The following TMEM94 variants were observed in gnomAD, a reference collection of about 807,000 sequenced individuals.
TMEM94 encodes the protein transmembrane protein 94.
A neutral mutation model predicts 158.6 loss-of-function variants in TMEM94; 81 were observed. The ratio of observed to expected loss-of-function variants is 0.51; its 90% CI spans 0.43 to 0.61. The LOEUF is 0.61. TMEM94 is among the 20% of genes least tolerant of loss of function. The pLI is 0.00. For missense variants in TMEM94, 1,435 were observed against 1,762.0 expected (o/e 0.81, Z 3.32); for synonymous variants, 751 against 730.7 (o/e 1.03, Z -0.45).
At chr17:75,465,655 T>TATTTATATATATATATA (rs9302993) in intron 1 of TMEM94, among the ~76,000 whole-genome samples, 18 of 98,832 alleles carry the variant, frequency 1.8e-4, no homozygotes, top group African/African-American at 9.0e-4. Context: ...ATAAGAATTT[T>TATTTATATATATATATA]TATATATATA....
chr17:75,477,224 A>C (rs1309160374), intron 2 of TMEM94, among the ~76,000 whole-genome samples: 1 of 152,200 alleles, frequency 6.6e-6, no homozygotes. Context: ...TAAGGTCAGC[A>C]TGAGCCAGGA....
intron 2 of TMEM94, among the ~76,000 whole-genome samples, chr17:75,478,037 A>C (rs2050821485): frequency 1.7e-5 from 1 of 57,898 alleles, no homozygotes; most frequent in African/African-American, 1.1e-4. Context: ...TTTTTTTGAG[A>C]CGGAGTCTCG....
chr17:75,481,926 G>C (rs534183565), intron 2 of TMEM94, among the ~76,000 whole-genome samples: 1 of 152,366 alleles, frequency 6.6e-6, no homozygotes, highest in South Asian at 2.1e-4. Context: ...CAGGGCCTCA[G>C]AGCTGGGGTG....
At chr17:75,467,881 G>A (rs981972145) in intron 1 of TMEM94, among the ~76,000 whole-genome samples, 12 of 152,134 alleles carry the variant, frequency 7.9e-5, no homozygotes, top group African/African-American at 2.7e-4. Flanking sequence ...CTTCACCTAA[G>A]TGGCACTTGG....
chr17:75,488,206 A>G (rs2051793471), intron 6 of TMEM94, 72 bp downstream of exon 6: 2 of 1,462,894 alleles, frequency 1.4e-6, no homozygotes. Flanking sequence ...GAGGGTCCCC[A>G]GACTTCATCC....
At chr17:75,461,258 C>G (rs2050058490) in intron 1 of TMEM94, among the ~76,000 whole-genome samples, 1 of 151,950 alleles carries the variant, frequency 6.6e-6, no homozygotes, top group Non-Finnish European at 1.5e-5. Flanking sequence ...CACTACCGTG[C>G]CCGGCTAATT....
chr17:75,466,417 C>G (rs1479459130), intron 1 of TMEM94, among the ~76,000 whole-genome samples: 14 of 152,146 alleles, frequency 9.2e-5, no homozygotes, highest in Non-Finnish European at 2.1e-4. Flanking sequence ...ATTTGTTTCT[C>G]TTTTCAAAAT....
rs761490641 is a variant in TMEM94 at position 75,496,288 on chromosome 17, C to A, written c.3060C>A (p.Ala1020=). 4 of 1,614,178 alleles carry A rather than the reference C, an allele frequency of 2.5e-6. No individual in the cohort carries two copies. The highest frequency in any genetic ancestry group is 1.1e-5 in the South Asian group (1 of 91,082). Residue 1020 remains alanine (A), a synonymous_variant, in exon 24 of 32, where the codon GCC becomes GCA. Transcript: ENST00000314256. ...TGTCCCCCACCCTGAGCAGCATTGC[C>A]CTGGATCCCCTGTACCCATCCCGTT... The part of the protein sequence containing the change: ...CLFLQSDISI[A]LDPLYPSRCS...
chr17:75,482,851 T>C (rs897958237), intron 2 of TMEM94, among the ~76,000 whole-genome samples: 1 of 152,102 alleles, frequency 6.6e-6, no homozygotes, highest in Admixed American at 6.6e-5. Context: ...AGTTGGATGG[T>C]GAGGGTGTGT....
At chr17:75,482,556 GTAT>G (rs1264318485) in intron 2 of TMEM94, among the ~76,000 whole-genome samples, 1 of 151,644 alleles carries the variant, frequency 6.6e-6, no homozygotes, top group African/African-American at 2.4e-5. Flanking sequence ...ATGTATGTAT[GTAT>G]GTATGTATGT....
intron 1 of TMEM94, among the ~76,000 whole-genome samples, chr17:75,463,178 G>GTGTGTATATATATATATATATA (rs1180723796): frequency 1.3e-4 from 2 of 15,082 alleles, no homozygotes; most frequent in African/African-American, 3.3e-4. Context: ...GTGTGTGTGT[G>GTGTGTATATATATATATATATA]TATATATATA....
rs144905502 is a variant in TMEM94 at position 75,488,753 on chromosome 17, C to T, written c.613-6C>T. On this transcript the variant is annotated splice_region_variant and splice_polypyrimidine_tract_variant and intron_variant, in intron 6 of 31. Transcript: ENST00000314256. ...TCGTTCCCACTCTCCCACTTGCTGC[C>T]GGCAGGATGACGAGCACATCGTCCT... 1.7e-4 allele frequency: 270 copies of T among 1,613,812 alleles called. No individual in the cohort carries two copies. The highest frequency in any genetic ancestry group is 1.3e-3 in the Middle Eastern group (8 of 6,060).
At chr17:75,497,932 G>A (rs1233148757) in intron 27 of TMEM94, 70 bp downstream of exon 27, 2 of 1,435,558 alleles carry the variant, frequency 1.4e-6, no homozygotes, top group Admixed American at 1.7e-5. Flanking sequence ...GGAGGAGAGA[G>A]GGGCTAATCT....
Position 75,491,851 on chromosome 17 carries a change from A to G in TMEM94, c.1547A>G (p.Asn516Ser), listed in dbSNP as rs764469582. Residue 516 changes from asparagine to serine, a missense_variant, in exon 14 of 32, where the codon AAC (asparagine) becomes AGC (serine). This residue lies in a region of TMEM94 where 1,051 missense variants were observed against 1,254.4 expected (regional missense o/e 0.84). Transcript: ENST00000314256. This position sits in a 1 kb window ranked among gnomAD's most constrained non-coding sequence, Gnocchi z 5.1. ...CGCAGCAAACACCCATCTGGCTCCA[A>G]CGTGAGCTTCAGCAGGGACACCGAG... ...HGRSKHPSGS[N>S]VSFSRDTEGG... 6.2e-7 allele frequency: 1 copy of G among 1,613,996 alleles called. No homozygotes were observed. The highest frequency in any genetic ancestry group is 8.5e-7 in the Non-Finnish European group (1 of 1,179,986).
rs2052922432 is a variant in TMEM94 at position 75,498,161 on chromosome 17, C to A, written c.3490-14C>A. On this transcript the variant is annotated splice_polypyrimidine_tract_variant and intron_variant, in intron 27 of 31. Coordinates refer to ENST00000314256, the MANE Select transcript of TMEM94 (RefSeq NM_014738.6). This position sits in a 1 kb window ranked among gnomAD's most constrained non-coding sequence, Gnocchi z 6.7. ...GGCTGTGCGCCCCAGGAGTGACTGG[C>A]CTTGTTCCCGCAGACCCAGCACTAC... is the stretch of plus-strand genomic sequence containing the variant. 6.2e-7 allele frequency: 1 copy of A among 1,613,538 alleles called. No individual in the cohort carries two copies. Among genetic ancestry groups the A allele is most frequent in the Non-Finnish European group, 8.5e-7 (1 of 1,179,910 alleles).
chr17:75,493,941 G>A (rs1028891397), intron 18 of TMEM94, 25 bp downstream of exon 18: 1 of 1,591,860 alleles, frequency 6.3e-7, no homozygotes, highest in Non-Finnish European at 8.6e-7. Flanking sequence ...TGTCCAGCGG[G>A]GCTGGTGCTG....
Position 75,465,677 on chromosome 17 carries a change from A to ATT in TMEM94, c.-106-6122_-106-6121insTT, listed in dbSNP as rs1465198234. On this transcript the variant is annotated intron_variant, in intron 1 of 31. Coordinates refer to ENST00000314256, the MANE Select transcript of TMEM94 (RefSeq NM_014738.6). ...TTTTTATATATATATATATATATAT[A>ATT]TATTTTTTTTTAATCCCAAAGACTT... Among the ~76,000 whole-genome samples the ATT allele has an allele frequency of 1.8e-4, 15 of 84,218 alleles. No individual in the cohort carries two copies. The East Asian group carries it at 2.4e-3, about 14-fold the overall frequency. The allele number at this position is 84,218 out of a possible 152,430, so 55.3% of individuals were successfully genotyped here.
At chr17:75,481,244 G>A (rs2051136200) in intron 2 of TMEM94, among the ~76,000 whole-genome samples, 1 of 152,270 alleles carries the variant, frequency 6.6e-6, no homozygotes, top group African/African-American at 2.4e-5. Context: ...GGAGGTGGGT[G>A]CGTTGGAGCA....
At position 75,491,470 on chromosome 17, in the gene TMEM94, ACGGC is replaced by A. The variant is rs1461181086; in HGVS notation, c.1386+20_1386+23del. On this transcript the variant is annotated intron_variant, in intron 13 of 31. Coordinates refer to ENST00000314256, the MANE Select transcript of TMEM94 (RefSeq NM_014738.6). The surrounding 1 kb of genome is among the most constrained non-coding windows in gnomAD (Gnocchi z 5.1). ...GCCATCCCGAGGTAGAGGAGGAGGT[ACGGC>A]CGGCTCCCATGGGCCCGACTCTGGG... is the stretch of plus-strand genomic sequence containing the variant. 4.3e-6 allele frequency: 7 copies of A among 1,611,818 alleles called. No individual in the cohort carries two copies. Among genetic ancestry groups the A allele is most frequent in the Non-Finnish European group, 5.9e-6 (7 of 1,178,348 alleles).
Sources: gnomAD v4.1 joint callset for allele counts (sites outside exome capture counted in the v4.1 genomes callset) on GRCh38, gnomAD v4.1.1 for gene constraint, gnomAD v4.1.1 regional missense constraint, Gnocchi (gnomAD v3.1) non-coding constraint, MANE v1.5 for transcripts, NCBI Gene and HGNC (gene_info 2026-07-23, HGNC 2026-07-21) for gene names.